CNTNAP2: variants seen among roughly 807,000 people sequenced by gnomAD.
The protein encoded by CNTNAP2 is contactin associated protein 2.
CNTNAP2 carries 98 observed loss-of-function variants against 155.2 expected under a neutral mutation model. The ratio of observed to expected loss-of-function variants is 0.63; its 90% CI spans 0.54 to 0.75. The LOEUF is 0.75. CNTNAP2 is among the 30% of genes least tolerant of loss of function. The pLI, the probability that CNTNAP2 is intolerant of heterozygous loss-of-function variation, is 0.00. For synonymous variants in CNTNAP2, 651 were observed against 631.2 expected (o/e 1.03, Z -0.47); for missense variants, 1,727 against 1,688.1 (o/e 1.02, Z -0.40).
At chr7:147,017,589 A>G (rs545990558) in intron 3 of CNTNAP2, among the ~76,000 whole-genome samples, 234 of 152,176 alleles carry the variant, frequency 1.5e-3, no homozygotes, top group South Asian at 3.1e-3. Context: ...ACAATTTTTC[A>G]TAATGCCAAA....
chr7:147,602,750 T>G (rs35867680), intron 12 of CNTNAP2, among the ~76,000 whole-genome samples: 31,606 of 151,802 alleles, frequency 0.21, 3,557 homozygotes, highest in East Asian at 0.35. Context: ...CTTGGTTTTT[T>G]GTCTTTGTGA....
intron 20 of CNTNAP2, among the ~76,000 whole-genome samples, chr7:148,254,626 A>C (rs1406374663): frequency 6.6e-6 from 1 of 152,042 alleles, no homozygotes; most frequent in Admixed American, 6.6e-5. Flanking sequence ...AATACAAAAA[A>C]TTAGCCAGGC....
At chr7:146,252,400 CTG>C (rs1291860270) in intron 1 of CNTNAP2, among the ~76,000 whole-genome samples, 1 of 152,294 alleles carries the variant, frequency 6.6e-6, no homozygotes, top group Admixed American at 6.5e-5. Flanking sequence ...AGAGAGAGGC[CTG>C]TCTCTCTGGA....
intron 21 of CNTNAP2, among the ~76,000 whole-genome samples, chr7:148,337,040 G>C (rs893494114): frequency 8.3e-6 from 1 of 120,434 alleles, no homozygotes; most frequent in Non-Finnish European, 1.9e-5. Flanking sequence ...GTGCCTAATG[G>C]AGTGGCAATC....
At chr7:146,273,980 C>A (rs1335503848) in intron 1 of CNTNAP2, among the ~76,000 whole-genome samples, 1 of 151,976 alleles carries the variant, frequency 6.6e-6, no homozygotes, top group Non-Finnish European at 1.5e-5. Flanking sequence ...TGTGTAAGAC[C>A]TTGACATTAT....
At chr7:146,236,556 G>C (rs751299109) in intron 1 of CNTNAP2, among the ~76,000 whole-genome samples, 2 of 152,092 alleles carry the variant, frequency 1.3e-5, no homozygotes, top group Non-Finnish European at 2.9e-5. Flanking sequence ...TCTGAGGCTA[G>C]GTTGTGCTGC....
chr7:146,371,678 G>T (rs113620454), intron 1 of CNTNAP2, among the ~76,000 whole-genome samples: 295 of 151,980 alleles, frequency 1.9e-3, no homozygotes, highest in African/African-American at 6.7e-3. Flanking sequence ...CCAGCTGGGC[G>T]TGGTGGCTCA....
intron 9 of CNTNAP2, among the ~76,000 whole-genome samples, chr7:147,381,024 T>C (rs567239155): frequency 2.0e-5 from 3 of 152,170 alleles, no homozygotes; most frequent in Admixed American, 6.6e-5. Context: ...ATCTCTCAAA[T>C]ACAAAATATT....
intron 3 of CNTNAP2, among the ~76,000 whole-genome samples, chr7:146,894,607 C>T (rs185945257): frequency 6.6e-6 from 1 of 152,108 alleles, no homozygotes; most frequent in Non-Finnish European, 1.5e-5. Flanking sequence ...TAAACAATTT[C>T]CTTGACCTGT....
intron 9 of CNTNAP2, among the ~76,000 whole-genome samples, chr7:147,367,409 T>C (rs1376976700): frequency 6.6e-6 from 1 of 152,208 alleles, no homozygotes; most frequent in Non-Finnish European, 1.5e-5. Context: ...TGAAAAGTTG[T>C]ATGACCAGAT....
At chr7:148,313,364 G>T (rs1407722367) in intron 21 of CNTNAP2, among the ~76,000 whole-genome samples, 1 of 151,838 alleles carries the variant, frequency 6.6e-6, no homozygotes, top group African/African-American at 2.4e-5. Context: ...GAGAGCCTTA[G>T]GCCAGAGTTC....
chr7:148,362,263 T>TG (rs1563057526), intron 21 of CNTNAP2, among the ~76,000 whole-genome samples: 1 of 151,822 alleles, frequency 6.6e-6, no homozygotes, highest in African/African-American at 2.4e-5. Context: ...GAGAACAGCA[T>TG]GGGGGAAACC....
At chr7:147,796,076 G>T (rs1358403289) in intron 13 of CNTNAP2, among the ~76,000 whole-genome samples, 1 of 152,134 alleles carries the variant, frequency 6.6e-6, no homozygotes, top group Non-Finnish European at 1.5e-5. Context: ...ATGTGTAAGA[G>T]ACCATGATTT....
intron 21 of CNTNAP2, among the ~76,000 whole-genome samples, chr7:148,329,507 G>A (rs888225529): frequency 6.6e-5 from 10 of 152,150 alleles, no homozygotes; most frequent in Non-Finnish European, 1.0e-4. Flanking sequence ...ACAAATGTGC[G>A]GGCTGTGGGT....
chr7:146,898,488 T>TA (rs1021124093), intron 3 of CNTNAP2, among the ~76,000 whole-genome samples: 1 of 151,018 alleles, frequency 6.6e-6, no homozygotes, highest in Non-Finnish European at 1.5e-5. Flanking sequence ...AACTGGTATT[T>TA]AAAAAAACAA....
chr7:148,056,100 T>C (rs1361497851), intron 15 of CNTNAP2, among the ~76,000 whole-genome samples: 2 of 152,230 alleles, frequency 1.3e-5, no homozygotes, highest in Non-Finnish European at 2.9e-5. Context: ...TATAGCAGCC[T>C]AAAGAGTGGG....
In CNTNAP2 at chr7:146,687,860, G is replaced by A. The variant is rs149573757; in HGVS notation, c.98-86411G>A. On this transcript the variant is annotated intron_variant, in intron 1 of 23. Transcript: ENST00000361727. ...ATAAGCCCAGTTGTTTTGCAGTCTA[G>A]CACTGATGCTTTCCATGGGAAGAGC... 1.0e-3 allele frequency among the ~76,000 whole-genome samples: 159 copies of A among 152,290 alleles called. 1 individual carries two copies. Among genetic ancestry groups the A allele is most frequent in the African/African-American group, 3.6e-3 (151 of 41,562 alleles).
At chr7:148,212,944 G>A (rs147631854) in intron 18 of CNTNAP2, among the ~76,000 whole-genome samples, 1 of 152,086 alleles carries the variant, frequency 6.6e-6, no homozygotes, top group Non-Finnish European at 1.5e-5. Flanking sequence ...TTTTAATGAT[G>A]TCTCTAAAAT....
intron 1 of CNTNAP2, among the ~76,000 whole-genome samples, chr7:146,503,029 T>C (rs1246022736): frequency 6.6e-6 from 1 of 152,228 alleles, no homozygotes; most frequent in Non-Finnish European, 1.5e-5. Context: ...TCAGATCTTT[T>C]GCTCATTTTA....
Sources: allele counts gnomAD v4.1 joint callset (sites outside exome capture counted in the v4.1 genomes callset), GRCh38; gene constraint gnomAD v4.1.1; transcripts MANE v1.5; gene names NCBI Gene and HGNC (gene_info 2026-07-23, HGNC 2026-07-21).